The following MYO9B variants were observed in gnomAD, a reference collection of about 807,000 sequenced individuals.
The protein encoded by MYO9B is myosin IXB.
In MYO9B, 71 loss-of-function variants were observed where a neutral mutation model predicts 229.5. That is an observed-to-expected ratio of 0.31 (90% CI 0.26 to 0.38). The LOEUF (loss-of-function observed/expected upper bound fraction) is 0.38, where lower values mean the gene tolerates loss of function less well. Among genes scored for constraint, MYO9B ranks in the 10% least tolerant of loss-of-function variants. MYO9B has a pLI of 1.00. For missense variants in MYO9B, 2,255 were observed against 2,920.5 expected, an observed-to-expected ratio of 0.77 and a Z score of 5.25; for synonymous variants, 1,185 against 1,235.8, an observed-to-expected ratio of 0.96 and a Z score of 0.86.
At chr19:17,134,102 ATG>A (rs1234068651) in intron 2 of MYO9B, among the ~76,000 whole-genome samples, 1 of 151,888 alleles carries the variant, frequency 6.6e-6, no homozygotes, top group Non-Finnish European at 1.5e-5. Flanking sequence ...CTGGGGGTAC[ATG>A]TGTAGTTTGT....
At chr19:17,208,567 G>T (rs1320163346) in intron 35 of MYO9B, among the ~76,000 whole-genome samples, 10 of 151,680 alleles carry the variant, frequency 6.6e-5, no homozygotes, top group Admixed American at 2.0e-4. Flanking sequence ...AAGTAGCTGG[G>T]ACTACAGGCG....
At position 17,167,999 on chromosome 19, in the gene MYO9B, C is replaced by T. The variant is rs374388763; in HGVS notation, c.1728C>T (p.Val576=). The T allele has an allele frequency of 2.5e-4, 394 of 1,606,994 alleles. No individual in the cohort carries two copies. The highest frequency in any genetic ancestry group is 3.0e-4 in the Non-Finnish European group (354 of 1,177,162). ...TWHNIGYTDN[V]GCIHLISKKP... ...ACAACATCGGCTACACAGACAATGT[C>T]GGCTGCATCCATCTCATCAGCAAGA... Residue 576 remains valine (V), a synonymous_variant, in exon 11 of 40, where the codon GTC becomes GTT. Transcript: ENST00000682292.
Position 17,131,503 on chromosome 19 carries a change from A to G in MYO9B, c.841-13894A>G, listed in dbSNP as rs62127911. On this transcript the variant is annotated intron_variant, in intron 2 of 39. Transcript: ENST00000682292. ...AGGCTGGTCTTGAACTCCTGACCTC[A>G]GGTGATCTGCCCGCCTCAGCCTCCC... 4.2e-3 allele frequency among the ~76,000 whole-genome samples: 645 copies of G among 152,352 alleles called. 3 individuals are homozygous for G. The highest frequency in any genetic ancestry group is 7.6e-3 in the Non-Finnish European group (519 of 68,030).
chr19:17,159,267 A>G, intron 7 of MYO9B, 128 bp from the exon 8 acceptor site: 1 of 799,596 alleles, frequency 1.3e-6, no homozygotes. Context: ...TCCCACTTCT[A>G]GGCCTGGCTG....
chr19:17,200,891 C>A, intron 26 of MYO9B, 62 bp downstream of exon 26: 1 of 1,551,746 alleles, frequency 6.4e-7, no homozygotes, highest in Non-Finnish European at 8.8e-7. Flanking sequence ...CCATCACAGC[C>A]AGGCATTGTT....
chr19:17,142,163 T>TC (rs368973817), intron 2 of MYO9B, among the ~76,000 whole-genome samples: 35,699 of 139,442 alleles, frequency 0.26, 5,008 homozygotes, highest in African/African-American at 0.42. Context: ...AGACCCTGCC[T>TC]TTTAAAAAAA....
Position 17,192,137 on chromosome 19 carries a change from G to A in MYO9B, c.2812-609G>A, listed in dbSNP as rs186634393. ...CACCTGACTAATTTTTGTATTTTTAGTAGAGACAGGGTTTTATTACAGGCA... is the reference window on the plus strand; with the variant it reads ...CACCTGACTAATTTTTGTATTTTTAATAGAGACAGGGTTTTATTACAGGCA... On this transcript the variant is annotated intron_variant, in intron 20 of 39. Transcript: ENST00000682292. Among the ~76,000 whole-genome samples the A allele has an allele frequency of 7.1e-3, 1,075 of 151,694 alleles. 12 individuals carry two copies. The highest frequency in any genetic ancestry group is 0.024 in the African/African-American group (1,014 of 41,406).
chr19:17,198,289 G>A lies in MYO9B; in HGVS notation c.4219G>A (p.Gly1407Ser). ...CCTCCCAGACGCAGGGCTGTCCCCG[G>A]GCTCTCAGGTCGACTCTAAGTAAGT... is the stretch of plus-strand genomic sequence containing the variant. Reference protein sequence around the residue: ...SSLPDAGLSPGSQVDSKSTFK... With the variant: ...SSLPDAGLSPSSQVDSKSTFK... The change falls in exon 24 of 40, where the codon GGC becomes AGC. Residue 1407 changes from glycine (G) to serine (S), a missense_variant. By Grantham distance (56) the Gly-to-Ser change is moderately conservative. Around this residue, in one of 7 missense-constraint regions of MYO9B, gnomAD observed 679 missense variants for 770.2 expected, o/e 0.88. Coordinates refer to ENST00000682292, the MANE Select transcript of MYO9B (RefSeq NM_004145.4). 6.2e-7 allele frequency: 1 copy of A among 1,613,854 alleles called. No homozygotes were observed. The highest frequency in any genetic ancestry group is 2.2e-5 in the East Asian group (1 of 44,876).
At chr19:17,145,592 G>A (rs777748556) in intron 3 of MYO9B, 101 bp downstream of exon 3, 30 of 1,043,920 alleles carry the variant, frequency 2.9e-5, no homozygotes, top group Middle Eastern at 4.2e-4. Context: ...TGGCTGTGTG[G>A]ATGTTTATGC....
chr19:17,088,413 G>A (rs1285885946), intron 1 of MYO9B, among the ~76,000 whole-genome samples: 1 of 152,184 alleles, frequency 6.6e-6, no homozygotes, highest in East Asian at 1.9e-4. Context: ...GAGTTTTGGG[G>A]AGCACGAATG....
chr19:17,127,806 C>T (rs2072143951), intron 2 of MYO9B, among the ~76,000 whole-genome samples: 1 of 152,224 alleles, frequency 6.6e-6, no homozygotes, highest in Non-Finnish European at 1.5e-5. Flanking sequence ...GCCACATTGG[C>T]AGAGCTGAGC....
intron 2 of MYO9B, among the ~76,000 whole-genome samples, chr19:17,124,136 A>AAGG (rs1472810708): frequency 1.1e-4 from 16 of 151,364 alleles, no homozygotes; most frequent in Admixed American, 1.1e-3. Context: ...CAATCCTTCC[A>AAGG]CCTTGGCCTC....
At chr19:17,084,874 C>T (rs1199990674) in intron 1 of MYO9B, among the ~76,000 whole-genome samples, 1 of 152,016 alleles carries the variant, frequency 6.6e-6, no homozygotes, top group East Asian at 1.9e-4. Flanking sequence ...CACTGCACTC[C>T]AGCCTGGGCA....
At chr19:17,182,161 G>T (rs1186398905) in intron 15 of MYO9B, among the ~76,000 whole-genome samples, 5 of 151,862 alleles carry the variant, frequency 3.3e-5, no homozygotes, top group Non-Finnish European at 7.4e-5. Flanking sequence ...CTCACGGCAG[G>T]TTCGACCTTC....
At chr19:17,206,876 T>A in intron 34 of MYO9B, 92 bp downstream of exon 34, 1 of 1,318,292 alleles carries the variant, frequency 7.6e-7, no homozygotes, top group Non-Finnish European at 1.1e-6. Context: ...GCTGGCGTTC[T>A]GTGGTGGTTT....
chr19:17,137,755 T>C (rs762506638), intron 2 of MYO9B, among the ~76,000 whole-genome samples: 5 of 152,052 alleles, frequency 3.3e-5, no homozygotes, highest in Non-Finnish European at 5.9e-5. Context: ...ATCCTTTTTT[T>C]TTATTTGAAA....
chr19:17,119,602 G>A (rs2057941540), intron 2 of MYO9B, among the ~76,000 whole-genome samples: 1 of 152,170 alleles, frequency 6.6e-6, no homozygotes. Context: ...AGGAGGCCGA[G>A]GCAGGAGGAT....
Position 17,195,115 on chromosome 19 carries a change from G to A in MYO9B, c.3688G>A (p.Val1230Ile). Reference protein sequence around the residue: ...EQPQAMAVGKVSEETEKTLPS... With the variant: ...EQPQAMAVGKISEETEKTLPS... The stretch of plus-strand genomic sequence containing the variant: ...ACCCCAGGCCATGGCAGTTGGCAAG[G>A]TCTCTGAAGAAACTGAGAAGACGCT... The change falls in exon 22 of 40, where the codon GTC becomes ATC. Residue 1230 changes from valine to isoleucine, a missense_variant. Transcript: ENST00000682292. The surrounding 1 kb of genome is among the most constrained non-coding windows in gnomAD (Gnocchi z 4.5). The A allele has an allele frequency of 6.2e-7, 1 of 1,612,604 alleles. No homozygotes were observed. The highest frequency in any genetic ancestry group is 8.5e-7 in the Non-Finnish European group (1 of 1,179,756).
intron 14 of MYO9B, chr19:17,177,834 G>A (rs2072807917): frequency 6.6e-6 from 1 of 152,636 alleles, no homozygotes; most frequent in South Asian, 2.1e-4. Context: ...CGGCTCTGAG[G>A]AGTTCGATAT....
Sources: allele counts gnomAD v4.1 joint callset (sites outside exome capture counted in the v4.1 genomes callset), GRCh38; gene constraint gnomAD v4.1.1; regional missense constraint gnomAD v4.1.1; non-coding constraint Gnocchi (gnomAD v3.1); transcripts MANE v1.5; gene names NCBI Gene and HGNC (gene_info 2026-07-23, HGNC 2026-07-21).